The following GRIK2 variants were observed in gnomAD, a reference collection of about 807,000 sequenced individuals.
The protein encoded by GRIK2 is glutamate ionotropic receptor kainate type subunit 2.
A neutral mutation model predicts 100.3 loss-of-function variants in GRIK2; 32 were observed. The ratio of observed to expected loss-of-function variants is 0.32; its 90% CI spans 0.24 to 0.43. The LOEUF is 0.43. Among genes scored for constraint, GRIK2 ranks in the 20% least tolerant of loss-of-function variants. The pLI is 1.00. For missense variants in GRIK2, 843 were observed against 1,114.9 expected (o/e 0.76, Z 3.47); for synonymous variants, 417 against 389.4 (o/e 1.07, Z -0.83).
At chr6:101,614,553 C>T (rs1779813702) in intron 2 of GRIK2, among the ~76,000 whole-genome samples, 1 of 151,384 alleles carries the variant, frequency 6.6e-6, no homozygotes, top group South Asian at 2.1e-4. Flanking sequence ...ATTTAATAGC[C>T]AAAGGCCAAT....
chr6:102,043,403 C>G (rs77405791), intron 15 of GRIK2, among the ~76,000 whole-genome samples: 5,526 of 151,620 alleles, frequency 0.036, 333 homozygotes, highest in African/African-American at 0.13. Flanking sequence ...AGATTTTTTA[C>G]CCTTTGACCA....
intron 10 of GRIK2, 48 bp from the exon 11 acceptor site, chr6:101,859,239 G>C: frequency 1.0e-6 from 1 of 970,938 alleles, no homozygotes. Flanking sequence ...CTGATGATGA[G>C]TTTCATGATT....
At chr6:101,492,208 T>A (rs1232940741) in intron 2 of GRIK2, among the ~76,000 whole-genome samples, 1 of 151,988 alleles carries the variant, frequency 6.6e-6, no homozygotes, top group Non-Finnish European at 1.5e-5. Context: ...TTAAACATCC[T>A]ATAATGATAC....
chr6:101,686,067 G>C (rs1771669739), intron 6 of GRIK2, 113 bp from the exon 7 acceptor site: 5 of 645,158 alleles, frequency 7.8e-6, no homozygotes, highest in Admixed American at 5.8e-5. Flanking sequence ...AACGTCACTT[G>C]ACACAAAGGT....
intron 2 of GRIK2, among the ~76,000 whole-genome samples, chr6:101,517,667 T>C (rs937721867): frequency 1.3e-5 from 2 of 152,130 alleles, no homozygotes; most frequent in African/African-American, 4.8e-5. Flanking sequence ...AATAGACAAG[T>C]AGGCAAAAAC....
chr6:101,718,372 T>A (rs1034804106), intron 7 of GRIK2, among the ~76,000 whole-genome samples: 5 of 151,892 alleles, frequency 3.3e-5, no homozygotes, highest in African/African-American at 1.2e-4. Context: ...TAAACACTTC[T>A]ATGGAAAAAG....
chr6:101,966,738 C>A (rs1792699626), intron 14 of GRIK2, among the ~76,000 whole-genome samples: 1 of 152,030 alleles, frequency 6.6e-6, no homozygotes, highest in Admixed American at 6.6e-5. Flanking sequence ...GATAGGATAT[C>A]TTATGAATAA....
In GRIK2 at chr6:101,830,870, A is replaced by C. The variant is rs181965770; in HGVS notation, c.1317+12387A>C. 4.5e-3 allele frequency among the ~76,000 whole-genome samples: 688 copies of C among 152,124 alleles called. 4 individuals carry two copies. Among genetic ancestry groups the C allele is most frequent in the Non-Finnish European group, 7.0e-3 (478 of 67,902 alleles). On this transcript the variant is annotated intron_variant, in intron 10 of 16. Transcript: ENST00000369134. ...CTCAGCAATCTAACACAGAAACAGA[A>C]AACCAAATACTGTATGTTCTCACTT...
At chr6:101,470,533 TTTTC>T (rs1274543444) in intron 2 of GRIK2, among the ~76,000 whole-genome samples, 2 of 152,102 alleles carry the variant, frequency 1.3e-5, no homozygotes, top group South Asian at 2.1e-4. Flanking sequence ...ATGTGATAAT[TTTTC>T]TTTCTTTTTT....
chr6:102,011,576 CCTTTTTT>C (rs1795535593), intron 14 of GRIK2, among the ~76,000 whole-genome samples: 2 of 102,438 alleles, frequency 2.0e-5, no homozygotes, highest in Non-Finnish European at 3.8e-5. Flanking sequence ...TCTTTCTTTT[CCTTTTTT>C]TTTTTTTTTT....
At chr6:101,630,491 G>T (rs1159832076) in intron 4 of GRIK2, among the ~76,000 whole-genome samples, 1 of 151,998 alleles carries the variant, frequency 6.6e-6, no homozygotes, top group Non-Finnish European at 1.5e-5. Flanking sequence ...TCATATGTTT[G>T]TTGGCTGCAT....
In GRIK2 at chr6:101,714,297, T is replaced by G. The variant is rs1474226677; in HGVS notation, c.951+27944T>G. On this transcript the variant is annotated intron_variant, in intron 7 of 16. Transcript: ENST00000369134. ...ATGAGTTAAGTCTTACAATACCTGT[T>G]GGAAACACTTTCCACAAGACTTTTG... 2.0e-5 allele frequency among the ~76,000 whole-genome samples: 3 copies of G among 151,736 alleles called. No homozygotes were observed. The East Asian group carries it at 5.8e-4, about 30-fold the overall frequency.
chr6:101,841,606 C>T (rs1396514575), intron 10 of GRIK2, among the ~76,000 whole-genome samples: 3 of 152,064 alleles, frequency 2.0e-5, no homozygotes, highest in African/African-American at 7.2e-5. Flanking sequence ...TCGAGTGATC[C>T]ACCTGCCTGA....
chr6:101,791,888 C>T (rs1583159698), intron 7 of GRIK2, among the ~76,000 whole-genome samples: 1 of 151,720 alleles, frequency 6.6e-6, no homozygotes, highest in East Asian at 1.9e-4. Context: ...AATCTGGGTG[C>T]TCCTGTATTG....
chr6:101,713,267 ACCT>A (rs1040839949), intron 7 of GRIK2, among the ~76,000 whole-genome samples: 4 of 150,624 alleles, frequency 2.7e-5, no homozygotes, highest in African/African-American at 7.3e-5. Flanking sequence ...GCATGAAAAA[ACCT>A]CCTGACCTTT....
intron 7 of GRIK2, among the ~76,000 whole-genome samples, chr6:101,699,714 A>G (rs1373553146): frequency 1.3e-5 from 2 of 152,178 alleles, no homozygotes; most frequent in African/African-American, 4.8e-5. Context: ...ATCCATGTAT[A>G]TAGTTGCAAT....
intron 14 of GRIK2, among the ~76,000 whole-genome samples, chr6:102,016,537 A>T (rs1795843515): frequency 6.6e-6 from 1 of 151,340 alleles, no homozygotes; most frequent in African/African-American, 2.4e-5. Flanking sequence ...AATAATAATA[A>T]TACAAAAAAA....
intron 2 of GRIK2, among the ~76,000 whole-genome samples, chr6:101,493,861 A>G (rs555522710): frequency 6.7e-6 from 1 of 149,690 alleles, no homozygotes; most frequent in South Asian, 2.1e-4. Context: ...TTCTCAAACC[A>G]TGATAAAAAC....
chr6:101,671,760 A>T (rs1770450996), intron 4 of GRIK2, among the ~76,000 whole-genome samples: 1 of 152,152 alleles, frequency 6.6e-6, no homozygotes, highest in African/African-American at 2.4e-5. Context: ...GCTACTCGGG[A>T]GGCTGAGGCA....
Sources: allele counts gnomAD v4.1 joint callset (sites outside exome capture counted in the v4.1 genomes callset), GRCh38; gene constraint gnomAD v4.1.1; transcripts MANE v1.5; gene names NCBI Gene and HGNC (gene_info 2026-07-23, HGNC 2026-07-21).